DCC: variants seen among roughly 807,000 people sequenced by gnomAD.
The protein encoded by DCC is netrin receptor DCC.
A neutral mutation model predicts 172.5 loss-of-function variants in DCC; 58 were observed. The observed-to-expected ratio is 0.34, with a 90% CI of 0.27 to 0.42. The LOEUF (loss-of-function observed/expected upper bound fraction) is 0.42, where lower values mean the gene tolerates loss of function less well. DCC is among the 10% of genes least tolerant of loss of function. The pLI is 1.00. For synonymous variants in DCC, 709 were observed against 644.5 expected (o/e 1.10, Z -1.52); for missense variants, 1,740 against 1,791.0 (o/e 0.97, Z 0.51).
intron 1 of DCC, among the ~76,000 whole-genome samples, chr18:52,627,825 G>A (rs932754415): frequency 3.9e-5 from 6 of 152,166 alleles, no homozygotes; most frequent in African/African-American, 1.4e-4. Flanking sequence ...TTTGCTTGGT[G>A]TTACCATTCC....
At chr18:52,635,746 T>C (rs965222985) in intron 1 of DCC, among the ~76,000 whole-genome samples, 1 of 152,184 alleles carries the variant, frequency 6.6e-6, no homozygotes, top group Non-Finnish European at 1.5e-5. Flanking sequence ...ATTCTGACTA[T>C]GAAAAATCAA....
intron 1 of DCC, among the ~76,000 whole-genome samples, chr18:52,391,532 T>C (rs1986030090): frequency 6.6e-6 from 1 of 152,148 alleles, no homozygotes. Flanking sequence ...CTTGCTTTTC[T>C]TTCTGAGATG....
intron 2 of DCC, among the ~76,000 whole-genome samples, chr18:52,871,320 G>C (rs544456422): frequency 6.7e-6 from 1 of 149,738 alleles, no homozygotes; most frequent in African/African-American, 2.5e-5. Flanking sequence ...AAAGAACAGT[G>C]TCTTTTTTTT....
intron 5 of DCC, among the ~76,000 whole-genome samples, chr18:52,995,903 C>CTT (rs573744606): frequency 4.8e-5 from 7 of 146,832 alleles, no homozygotes; most frequent in African/African-American, 1.2e-4. Flanking sequence ...CTGTCTCCTG[C>CTT]TTTTTTTTTT....
intron 13 of DCC, among the ~76,000 whole-genome samples, chr18:53,312,395 C>A (rs2057285644): frequency 6.8e-6 from 1 of 147,416 alleles, no homozygotes; most frequent in Non-Finnish European, 1.5e-5. Context: ...TACCATACAG[C>A]TAGAGGAGCT....
At chr18:53,027,203 G>T (rs2041967237) in intron 5 of DCC, among the ~76,000 whole-genome samples, 1 of 152,070 alleles carries the variant, frequency 6.6e-6, no homozygotes, top group Non-Finnish European at 1.5e-5. Context: ...GAATAGCAAT[G>T]CTGCTACTTT....
chr18:53,435,028 C>G, intron 21 of DCC, 116 bp from the exon 22 acceptor site: 1 of 816,844 alleles, frequency 1.2e-6, no homozygotes, highest in Non-Finnish European at 2.1e-6. Flanking sequence ...GTCAGGCTTT[C>G]TTGGGGGTGA....
intron 21 of DCC, among the ~76,000 whole-genome samples, chr18:53,427,237 A>G (rs2039797983): frequency 6.6e-6 from 1 of 152,118 alleles, no homozygotes; most frequent in Non-Finnish European, 1.5e-5. Context: ...TTTAGATTTT[A>G]ATAAAGACTA....
At chr18:53,207,527 G>T in intron 10 of DCC, 152 bp from the exon 11 acceptor site, 1 of 709,834 alleles carries the variant, frequency 1.4e-6, no homozygotes, top group Non-Finnish European at 2.4e-6. Context: ...TAGTGGGGGA[G>T]TCTGTGTCAC....
chr18:52,861,991 A>C (rs977601709), intron 2 of DCC, among the ~76,000 whole-genome samples: 1 of 152,174 alleles, frequency 6.6e-6, no homozygotes, highest in Non-Finnish European at 1.5e-5. Context: ...ACTGACAAGG[A>C]AACTTTGTTG....
At chr18:52,765,814 G>C (rs2037240968) in intron 2 of DCC, among the ~76,000 whole-genome samples, 1 of 152,096 alleles carries the variant, frequency 6.6e-6, no homozygotes, top group Non-Finnish European at 1.5e-5. Flanking sequence ...TCTATCTCTT[G>C]GCCATTCACT....
At chr18:53,016,101 A>G (rs1292426989) in intron 5 of DCC, among the ~76,000 whole-genome samples, 1 of 152,110 alleles carries the variant, frequency 6.6e-6, no homozygotes, top group Non-Finnish European at 1.5e-5. Flanking sequence ...CAAATAAAGT[A>G]CATTTATTTG....
chr18:53,357,382 T>G (rs2144921845), intron 15 of DCC, among the ~76,000 whole-genome samples: 1 of 152,304 alleles, frequency 6.6e-6, no homozygotes, highest in East Asian at 1.9e-4. Context: ...ATTACAATGT[T>G]AACTTCAGCA....
chr18:53,218,954 T>C (rs1178819525), intron 12 of DCC, among the ~76,000 whole-genome samples: 2 of 152,158 alleles, frequency 1.3e-5, no homozygotes, highest in Admixed American at 6.6e-5. Flanking sequence ...TCCCTATGTT[T>C]CAATCTAAAA....
intron 7 of DCC, among the ~76,000 whole-genome samples, chr18:53,101,673 G>C (rs1167447356): frequency 6.6e-6 from 1 of 152,096 alleles, no homozygotes; most frequent in Non-Finnish European, 1.5e-5. Context: ...TTCTTCTACA[G>C]CCATTCTCCC....
At chr18:52,862,190 T>C (rs112713831) in intron 2 of DCC, among the ~76,000 whole-genome samples, 3,225 of 152,228 alleles carry the variant, frequency 0.021, 96 homozygotes, top group African/African-American at 0.07. Context: ...CCTCGTATGT[T>C]CCTCTTGGGC....
At chr18:52,368,007 G>T (rs1434814021) in intron 1 of DCC, among the ~76,000 whole-genome samples, 1 of 152,172 alleles carries the variant, frequency 6.6e-6, no homozygotes, top group South Asian at 2.1e-4. Context: ...AAGCAAACAG[G>T]CCACAGTAGT....
intron 1 of DCC, among the ~76,000 whole-genome samples, chr18:52,371,014 TC>T (rs1427543069): frequency 6.6e-6 from 1 of 152,142 alleles, no homozygotes; most frequent in Admixed American, 6.5e-5. Context: ...AGTTCAGAAA[TC>T]AATAGAACTT....
chr18:53,301,426 T>C (rs78867956), intron 12 of DCC, among the ~76,000 whole-genome samples: 6,815 of 148,390 alleles, frequency 0.046, 475 homozygotes, highest in African/African-American at 0.16. Flanking sequence ...AATTTGTTTC[T>C]ACCACCTCAA....
Sources: gnomAD v4.1 joint callset for allele counts (sites outside exome capture counted in the v4.1 genomes callset) on GRCh38, gnomAD v4.1.1 for gene constraint, MANE v1.5 for transcripts, NCBI Gene and HGNC (gene_info 2026-07-23, HGNC 2026-07-21) for gene names.